The following ZNF808 variants were observed in gnomAD, a reference collection of about 807,000 sequenced individuals.
ZNF808 encodes the protein zinc finger protein 808.
In ZNF808, 5 loss-of-function variants were observed where a neutral mutation model predicts 8.7. The ratio of observed to expected loss-of-function variants is 0.58; its 90% CI spans 0.30 to 1.21. ZNF808 has a LOEUF of 1.21. ZNF808 is among the 50% of genes most tolerant of loss of function. The pLI, the probability that ZNF808 is intolerant of heterozygous loss-of-function variation, is 0.07. For missense variants in ZNF808, 1,103 were observed against 1,098.4 expected (o/e 1.00, Z -0.06); for synonymous variants, 380 against 366.0 (o/e 1.04, Z -0.44).
In ZNF808 at chr19:52,536,337, A is replaced by C. The variant is rs2123089592; in HGVS notation, c.-20+3328A>C. ...GACTCCACCCACCCCGTTCTTTTTA[A>C]AGTCCCCGACCCGCGAGGTGGATTC... On this transcript the variant is annotated intron_variant, in intron 2 of 4. Transcript: ENST00000359798. Among the ~76,000 whole-genome samples, 2 of 151,854 alleles carry C rather than the reference A, an allele frequency of 1.3e-5. 1 individual carries two copies. The highest frequency in any genetic ancestry group is 6.8e-3 in the Middle Eastern group (2 of 292).
At chr19:52,549,643 C>T (rs1451443005) in intron 4 of ZNF808, among the ~76,000 whole-genome samples, 1 of 151,962 alleles carries the variant, frequency 6.6e-6, no homozygotes, top group Non-Finnish European at 1.5e-5. Context: ...ATTATATTCC[C>T]ACAGAGGTGC....
rs2059809756 is a variant in ZNF808, at chr19:52,554,284, A to G, written c.1368A>G (p.Lys456=). ...KRIHTGEKPY[K]CKVCDTAFTC... ...TTCATACTGGAGAGAAACCATACAA[A>G]TGTAAGGTTTGTGATACAGCTTTCA... Residue 456 remains lysine, a synonymous_variant, in exon 5 of 5, where the codon AAA becomes AAG. Coordinates refer to ENST00000359798, the MANE Select transcript of ZNF808 (RefSeq NM_001039886.4). 6.2e-7 allele frequency: 1 copy of G among 1,614,006 alleles called. No homozygotes were observed. Among genetic ancestry groups the G allele is most frequent in the South Asian group, 1.1e-5 (1 of 91,092 alleles).
At chr19:52,543,421 A>G in intron 3 of ZNF808, 74 bp downstream of exon 3, 1 of 1,559,090 alleles carries the variant, frequency 6.4e-7, no homozygotes, top group South Asian at 1.2e-5. Flanking sequence ...ATTGTATTGT[A>G]GTAATGTATT....
In ZNF808 at chr19:52,547,558, A is replaced by T. The variant is rs2059734236; in HGVS notation, c.110A>T (p.Glu37Val). ...RDVAIEFSLA[E>V]WKFLNPAQRA... ...GTGGCTATAGAATTCTCATTGGCAG[A>T]GTGGAAATTCCTGAACCCTGCACAG... The change falls in exon 4 of 5, where the codon GAG becomes GTG. Residue 37 changes from glutamate (E) to valine (V), a missense_variant. By Grantham distance (121) the Glu-to-Val change is moderately radical. Transcript: ENST00000359798. 1 of 1,613,956 alleles carries T rather than the reference A, an allele frequency of 6.2e-7. No individual in the cohort carries two copies. Among genetic ancestry groups the T allele is most frequent in the Non-Finnish European group, 8.5e-7 (1 of 1,180,012 alleles).
intron 2 of ZNF808, among the ~76,000 whole-genome samples, chr19:52,535,556 C>T (rs144005577): frequency 6.6e-6 from 1 of 152,076 alleles, no homozygotes; most frequent in Non-Finnish European, 1.5e-5. Context: ...CTCACTCCTC[C>T]CTGGCCTGAG....
At chr19:52,543,468 C>T (rs386246) in intron 3 of ZNF808, 121 bp downstream of exon 3, 1 of 1,429,020 alleles carries the variant, frequency 7.0e-7, no homozygotes, top group Non-Finnish European at 9.4e-7. Flanking sequence ...AAGCATTTTG[C>T]CTGACACGTT....
intron 2 of ZNF808, among the ~76,000 whole-genome samples, chr19:52,541,638 T>G (rs2059671602): frequency 6.6e-6 from 1 of 151,812 alleles, no homozygotes; most frequent in Admixed American, 6.6e-5. Context: ...GGAGAGGTAG[T>G]GCTCAGTTTT....
intron 1 of ZNF808, among the ~76,000 whole-genome samples, chr19:52,529,911 ATT>A (rs201852253): frequency 2.6e-4 from 21 of 81,904 alleles, no homozygotes; most frequent in African/African-American, 3.6e-4. Context: ...ATATATATAT[ATT>A]TTTTTTTTTT....
intron 2 of ZNF808, among the ~76,000 whole-genome samples, chr19:52,538,223 A>G (rs1282976142): frequency 7.2e-6 from 1 of 139,440 alleles, no homozygotes; most frequent in Non-Finnish European, 1.5e-5. Context: ...GGGTTTCAGT[A>G]TGTTTCCCGG....
At chr19:52,533,634 A>G (rs1250404952) in intron 2 of ZNF808, among the ~76,000 whole-genome samples, 2 of 151,736 alleles carry the variant, frequency 1.3e-5, no homozygotes, top group Non-Finnish European at 2.9e-5. Flanking sequence ...AGGCGGGTCA[A>G]TCCCGAGGTC....
chr19:52,565,002 C>T (rs2059869643), downstream of ZNF808, among the ~76,000 whole-genome samples: 1 of 152,140 alleles, frequency 6.6e-6, no homozygotes, highest in Admixed American at 6.6e-5. Flanking sequence ...GGGAGAATGG[C>T]GTGAACCCTG....
intron 4 of ZNF808, among the ~76,000 whole-genome samples, chr19:52,548,435 G>A (rs943629648): frequency 6.6e-6 from 1 of 152,030 alleles, no homozygotes; most frequent in Non-Finnish European, 1.5e-5. Flanking sequence ...TGTTGTTGTT[G>A]TTTTTTTCTC....
intron 3 of ZNF808, among the ~76,000 whole-genome samples, chr19:52,544,338 G>A (rs537636800): frequency 5.8e-4 from 88 of 152,140 alleles, no homozygotes; most frequent in African/African-American, 1.9e-3. Context: ...TATTATGTAT[G>A]TATTTATTTA....
chr19:52,549,014 C>A (rs1456114526), intron 4 of ZNF808, among the ~76,000 whole-genome samples: 1 of 151,852 alleles, frequency 6.6e-6, no homozygotes, highest in Admixed American at 6.6e-5. Flanking sequence ...GCTCTGTCAC[C>A]CAGGCTCAAG....
At chr19:52,562,823 G>C (rs1004894382) in intron 3 of ZNF808, among the ~76,000 whole-genome samples, 1 of 152,060 alleles carries the variant, frequency 6.6e-6, no homozygotes, top group Non-Finnish European at 1.5e-5. Flanking sequence ...ACCCAGGCTG[G>C]AGTGCAATGG....
chr19:52,538,828 A>G (rs1018055352), intron 2 of ZNF808, among the ~76,000 whole-genome samples: 1 of 152,160 alleles, frequency 6.6e-6, no homozygotes, highest in Non-Finnish European at 1.5e-5. Flanking sequence ...GTGATGATGA[A>G]GTGATGACAT....
intron 1 of ZNF808, among the ~76,000 whole-genome samples, chr19:52,530,206 A>T (rs1251649609): frequency 5.3e-5 from 8 of 152,212 alleles, no homozygotes; most frequent in Middle Eastern, 6.8e-3. Flanking sequence ...GAGTACAGGC[A>T]TGCACCACCA....
At position 52,543,314 on chromosome 19, in the gene ZNF808, G is replaced by A. The variant is rs752617881; in HGVS notation, c.30G>A (p.Arg10=). The A allele has an allele frequency of 1.9e-6, 3 of 1,613,442 alleles. No homozygotes were observed. In the South Asian group the frequency reaches 3.3e-5, roughly 18 times the overall value. ...TACGTGAGGAAGCAGCTCAGAAGAGGAAAGGAAAGGAGTCAGGCATGGCTC... is the reference window on the plus strand; with the variant it reads ...TACGTGAGGAAGCAGCTCAGAAGAGAAAAGGAAAGGAGTCAGGCATGGCTC... MLREEAAQK[R]KGKESGMALP... is the part of the protein sequence containing the mutation. Residue 10 remains arginine (R), a synonymous_variant, in exon 3 of 5, where the codon AGG becomes AGA. Coordinates refer to ENST00000359798, the MANE Select transcript of ZNF808 (RefSeq NM_001039886.4).
At chr19:52,548,929 C>A (rs2123164697) in intron 4 of ZNF808, among the ~76,000 whole-genome samples, 1 of 151,994 alleles carries the variant, frequency 6.6e-6, no homozygotes, top group Non-Finnish European at 1.5e-5. Context: ...TCCAGCTTGG[C>A]CAACTTGGTG....
Sources: allele counts gnomAD v4.1 joint callset (sites outside exome capture counted in the v4.1 genomes callset), GRCh38; gene constraint gnomAD v4.1.1; transcripts MANE v1.5; gene names NCBI Gene and HGNC (gene_info 2026-07-23, HGNC 2026-07-21).